Variants in CDH17 observed in about 807,000 individuals in gnomAD.
The protein encoded by CDH17 is cadherin-17.
In CDH17, 67 loss-of-function variants were observed where a neutral mutation model predicts 86.3. The observed-to-expected ratio is 0.78, with a 90% CI of 0.64 to 0.95. CDH17 has a LOEUF of 0.95. Among genes scored for constraint, CDH17 ranks in the 40% least tolerant of loss-of-function variants. The probability of loss-of-function intolerance (pLI) is 0.00; values close to 1 mark genes in which losing one functional copy is unlikely to be tolerated. For synonymous variants in CDH17, 367 were observed against 366.4 expected (o/e 1.00, Z -0.02); for missense variants, 993 against 1,017.6 (o/e 0.98, Z 0.33).
chr8:94,165,900 A>C lies in CDH17; in HGVS notation c.1143T>G (p.Ile381Met). The C allele has an allele frequency of 6.2e-7, 1 of 1,613,926 alleles. No homozygotes were observed. The highest frequency in any genetic ancestry group is 8.5e-7 in the Non-Finnish European group (1 of 1,179,888). The change falls in exon 10 of 18, where the codon ATT (isoleucine) becomes ATG (methionine). Residue 381 changes from isoleucine (I) to methionine (M), a missense_variant. By Grantham distance (10) the Ile-to-Met change is conservative. Transcript: ENST00000027335. The stretch of plus-strand genomic sequence containing the variant: ...TGGGAAGTTTGGGAGTTTGCTCCAC[A>C]ATCCTGTAGTTTAGAAAACTGTTGG... Reference protein sequence around the residue: ...NTANSFLNYRIVEQTPKLPMD... With the variant: ...NTANSFLNYRMVEQTPKLPMD...
intron 1 of CDH17, among the ~76,000 whole-genome samples, chr8:94,213,578 A>T (rs1586038997): frequency 1.1e-5 from 1 of 91,196 alleles, no homozygotes; most frequent in Non-Finnish European, 3.0e-5. Flanking sequence ...CCAAGAAATG[A>T]CCATCATTCT....
At chr8:94,135,526 C>A (rs2130573006) in intron 15 of CDH17, among the ~76,000 whole-genome samples, 1 of 152,222 alleles carries the variant, frequency 6.6e-6, no homozygotes, top group African/African-American at 2.4e-5. Context: ...TTCCTCCATC[C>A]TTTTATTTTG....
intron 1 of CDH17, among the ~76,000 whole-genome samples, chr8:94,195,146 T>G (rs1160552333): frequency 6.6e-6 from 1 of 152,098 alleles, no homozygotes; most frequent in East Asian, 1.9e-4. Context: ...GGATTACAAA[T>G]GCCCATCACC....
intron 1 of CDH17, chr8:94,203,166 C>T (rs982901174): frequency 6.5e-6 from 1 of 154,210 alleles, no homozygotes; most frequent in African/African-American, 2.4e-5. Flanking sequence ...AACACATAAG[C>T]ATTGATTTTT....
intron 17 of CDH17, among the ~76,000 whole-genome samples, chr8:94,130,384 T>C (rs779662991): frequency 2.0e-5 from 3 of 152,188 alleles, no homozygotes; most frequent in Non-Finnish European, 4.4e-5. Flanking sequence ...TATATGACAA[T>C]TGATGACCAT....
chr8:94,178,351 T>C (rs926959308), intron 3 of CDH17, among the ~76,000 whole-genome samples: 4 of 152,106 alleles, frequency 2.6e-5, no homozygotes, highest in Non-Finnish European at 5.9e-5. Context: ...TTAAAAGCAA[T>C]ATCAAAGTTA....
At chr8:94,205,003 T>C (rs1254799172) in intron 1 of CDH17, among the ~76,000 whole-genome samples, 1 of 152,208 alleles carries the variant, frequency 6.6e-6, no homozygotes, top group Non-Finnish European at 1.5e-5. Context: ...ACCTTGACGA[T>C]GACCTTGTGC....
intron 1 of CDH17, chr8:94,197,306 T>C (rs1336400892): frequency 6.6e-6 from 1 of 152,122 alleles, no homozygotes; most frequent in African/African-American, 2.4e-5. Flanking sequence ...GCCACTGCAC[T>C]GCAGCCTGGG....
At chr8:94,138,928 G>T (rs1812583696) in intron 15 of CDH17, among the ~76,000 whole-genome samples, 1 of 152,046 alleles carries the variant, frequency 6.6e-6, no homozygotes, top group Non-Finnish European at 1.5e-5. Flanking sequence ...ATATTTATGG[G>T]AATACAAAAT....
chr8:94,213,942 G>C (rs1814159557), intron 1 of CDH17, among the ~76,000 whole-genome samples: 1 of 152,080 alleles, frequency 6.6e-6, no homozygotes, highest in Admixed American at 6.5e-5. Context: ...AGGTTATCCT[G>C]TCCTGTCACT....
chr8:94,137,680 C>T (rs1812557515), intron 15 of CDH17, among the ~76,000 whole-genome samples: 2 of 148,494 alleles, frequency 1.3e-5, no homozygotes, highest in South Asian at 4.5e-4. Flanking sequence ...AAAAACAGCG[C>T]ACTACATAAA....
intron 9 of CDH17, among the ~76,000 whole-genome samples, chr8:94,169,387 C>T (rs1289100462): frequency 6.6e-6 from 1 of 152,132 alleles, no homozygotes; most frequent in Non-Finnish European, 1.5e-5. Flanking sequence ...TGACAAAAGG[C>T]AGCCCACACG....
chr8:94,143,416 C>T (rs555479903), intron 15 of CDH17, among the ~76,000 whole-genome samples: 1 of 152,288 alleles, frequency 6.6e-6, no homozygotes, highest in East Asian at 1.9e-4. Context: ...TAGCATAATT[C>T]TTAAGGACCC....
intron 1 of CDH17, among the ~76,000 whole-genome samples, chr8:94,205,573 C>T (rs951960106): frequency 6.6e-6 from 1 of 152,142 alleles, no homozygotes. Context: ...GGCAGGTTCA[C>T]TTTCCAATTT....
rs937759442 is a variant in CDH17 at position 94,130,643 on chromosome 8, G to A, written c.2381C>T (p.Thr794Ile). 1 of 1,610,564 alleles carries A rather than the reference G, an allele frequency of 6.2e-7. No individual in the cohort carries two copies. Among genetic ancestry groups the A allele is most frequent in the Non-Finnish European group, 8.5e-7 (1 of 1,177,284 alleles). ...ACACTCACCAATCACCAGAAGGGTGGTCAGCAGTATACCAACTGCCATGCC... is the reference window on the plus strand; with the variant it reads ...ACACTCACCAATCACCAGAAGGGTGATCAGCAGTATACCAACTGCCATGCC... ...TVGMAVGILL[T>I]TLLVIGIILA... The change falls in exon 17 of 18, where the codon ACC becomes ATC. Residue 794 changes from threonine (T) to isoleucine (I), a missense_variant. Physicochemically the swap from Thr to Ile is moderately conservative, Grantham distance 89 (BLOSUM62 -1). Transcript: ENST00000027335.
intron 5 of CDH17, among the ~76,000 whole-genome samples, chr8:94,174,549 G>A (rs1813334427): frequency 6.6e-6 from 1 of 152,186 alleles, no homozygotes; most frequent in Non-Finnish European, 1.5e-5. Flanking sequence ...ATAATTTAAT[G>A]AATTGTAGTG....
intron 1 of CDH17, among the ~76,000 whole-genome samples, chr8:94,195,882 T>C (rs1813776811): frequency 6.6e-6 from 1 of 152,022 alleles, no homozygotes; most frequent in South Asian, 2.1e-4. Context: ...TGCCTCAGCC[T>C]CCCAAGTAGC....
At chr8:94,145,872 A>G in intron 15 of CDH17, 56 bp downstream of exon 15, 2 of 1,560,356 alleles carry the variant, frequency 1.3e-6, no homozygotes, top group Non-Finnish European at 1.7e-6. Context: ...CAAGTTAAAT[A>G]AAACCTACTT....
chr8:94,139,688 A>G (rs1026028578), intron 15 of CDH17, among the ~76,000 whole-genome samples: 3 of 152,124 alleles, frequency 2.0e-5, no homozygotes, highest in Admixed American at 2.0e-4. Context: ...AGATTACTTG[A>G]AGCCAGGAGT....
Sources: gnomAD v4.1 joint callset for allele counts (sites outside exome capture counted in the v4.1 genomes callset) on GRCh38, gnomAD v4.1.1 for gene constraint, MANE v1.5 for transcripts, NCBI Gene and HGNC (gene_info 2026-07-23, HGNC 2026-07-21) for gene names.